HDAC9: variants seen among roughly 807,000 people sequenced by gnomAD.
The protein encoded by HDAC9 is histone deacetylase 9.
HDAC9 carries 41 observed loss-of-function variants against 139.4 expected under a neutral mutation model. That is an observed-to-expected ratio of 0.29 (90% CI 0.23 to 0.38). The LOEUF (loss-of-function observed/expected upper bound fraction) is 0.38, where lower values mean the gene tolerates loss of function less well. Ranked by LOEUF, HDAC9 falls within the 10% of genes least tolerant of loss-of-function variation. HDAC9 has a pLI of 1.00. For missense variants in HDAC9, 1,147 were observed against 1,297.0 expected (o/e 0.88, Z 1.78); for synonymous variants, 517 against 476.2 (o/e 1.09, Z -1.12).
intron 2 of HDAC9, among the ~76,000 whole-genome samples, chr7:18,213,539 A>C (rs1792096828): frequency 6.6e-6 from 1 of 152,098 alleles, no homozygotes; most frequent in Non-Finnish European, 1.5e-5. Flanking sequence ...TTTCTCTGTT[A>C]GTCTTATGTA....
intron 13 of HDAC9, among the ~76,000 whole-genome samples, chr7:18,733,158 C>T (rs1464418163): frequency 2.1e-5 from 3 of 144,350 alleles, no homozygotes; most frequent in Admixed American, 6.9e-5. Context: ...CATATATACA[C>T]GTGTATACAC....
chr7:18,410,462 C>T (rs1788439387), intron 1 of HDAC9, among the ~76,000 whole-genome samples: 1 of 152,054 alleles, frequency 6.6e-6, no homozygotes, highest in South Asian at 2.1e-4. Context: ...TTTGTTTCAA[C>T]AAAGAATGTT....
chr7:18,516,272 A>G (rs1259944227), intron 2 of HDAC9, among the ~76,000 whole-genome samples: 1 of 152,222 alleles, frequency 6.6e-6, no homozygotes, highest in African/African-American at 2.4e-5. Flanking sequence ...GAAATTTAAA[A>G]GACCTTTAAG....
chr7:18,659,384 G>A (rs1448979025), intron 11 of HDAC9, among the ~76,000 whole-genome samples: 1 of 152,130 alleles, frequency 6.6e-6, no homozygotes. Context: ...AACATGGAAT[G>A]TGAGATTCTG....
At chr7:18,619,822 C>G (rs908517654) in intron 6 of HDAC9, among the ~76,000 whole-genome samples, 18 of 152,202 alleles carry the variant, frequency 1.2e-4, no homozygotes, top group Non-Finnish European at 1.2e-4. Context: ...TGTGTGGGCT[C>G]TGTGCCCTTG....
intron 24 of HDAC9, among the ~76,000 whole-genome samples, chr7:18,972,232 T>C (rs988663194): frequency 2.6e-5 from 4 of 152,220 alleles, no homozygotes; most frequent in African/African-American, 9.6e-5. Context: ...AATAAAACTT[T>C]CATAGCATTA....
At chr7:18,923,379 C>A (rs1215881901) in intron 22 of HDAC9, among the ~76,000 whole-genome samples, 2 of 152,074 alleles carry the variant, frequency 1.3e-5, no homozygotes, top group African/African-American at 2.4e-5. Context: ...GTTGCCTAAT[C>A]TCATTATAGA....
At chr7:18,120,933 T>G (rs1441676406) in intron 1 of HDAC9, among the ~76,000 whole-genome samples, 1 of 152,190 alleles carries the variant, frequency 6.6e-6, no homozygotes, top group African/African-American at 2.4e-5. Flanking sequence ...ACTTCCACAC[T>G]GGCAGTAAGG....
intron 22 of HDAC9, among the ~76,000 whole-genome samples, chr7:18,875,745 T>A (rs570641234): frequency 6.6e-6 from 1 of 152,284 alleles, no homozygotes; most frequent in Admixed American, 6.5e-5. Context: ...ATGGCCTTTT[T>A]AAAAAATTGT....
At chr7:18,220,138 TCA>T (rs1271071767) in intron 2 of HDAC9, among the ~76,000 whole-genome samples, 1 of 151,348 alleles carries the variant, frequency 6.6e-6, no homozygotes, top group Middle Eastern at 3.2e-3. Flanking sequence ...GGGGAGATCT[TCA>T]CAAGACCATA....
At chr7:18,704,628 T>G (rs1283854173) in intron 12 of HDAC9, among the ~76,000 whole-genome samples, 1 of 152,158 alleles carries the variant, frequency 6.6e-6, no homozygotes, top group African/African-American at 2.4e-5. Flanking sequence ...AACATAAGAT[T>G]TGGAGCAAAG....
rs1047376745 is a variant in HDAC9, at chr7:18,550,262, ATTC to A, written c.23-35014_23-35012del. ...TTGCCCTACCAACCTGTTCTGCTCT[ATTC>A]TTCTATTTTTTACTGTACTATATTC... On this transcript the variant is annotated intron_variant, in intron 2 of 25. Coordinates refer to ENST00000686413, the MANE Select transcript of HDAC9 (RefSeq NM_178425.4). Among the ~76,000 whole-genome samples the A allele has an allele frequency of 4.9e-4, 75 of 152,252 alleles. 1 individual carries two copies. Among genetic ancestry groups the A allele is most frequent in the Admixed American group, 3.3e-4 (5 of 15,286 alleles).
intron 12 of HDAC9, among the ~76,000 whole-genome samples, chr7:18,716,659 C>T (rs1004449821): frequency 6.6e-6 from 1 of 152,158 alleles, no homozygotes; most frequent in South Asian, 2.1e-4. Flanking sequence ...TAGGTAGTAA[C>T]TTTTACCAAC....
At chr7:18,595,947 C>T (rs569234240) in intron 6 of HDAC9, among the ~76,000 whole-genome samples, 1 of 151,910 alleles carries the variant, frequency 6.6e-6, no homozygotes, top group Admixed American at 6.6e-5. Flanking sequence ...TTTTTTCAAT[C>T]CACAACACAA....
In HDAC9 at chr7:18,708,552, A is replaced by G. The variant is rs567456972; in HGVS notation, c.1732-19028A>G. 2.6e-5 allele frequency among the ~76,000 whole-genome samples: 4 copies of G among 152,322 alleles called. No homozygotes were observed. The South Asian group carries it at 6.2e-4, about 24-fold the overall frequency. ...CATGATTATTTTGAGTGCCTGAAGT[A>G]ATAAACAATAGAGTTTGTACTGGAA... On this transcript the variant is annotated intron_variant, in intron 12 of 25. Coordinates refer to ENST00000686413, the MANE Select transcript of HDAC9 (RefSeq NM_178425.4).
intron 22 of HDAC9, chr7:18,899,274 G>A (rs1801485223): frequency 6.6e-6 from 1 of 151,876 alleles, no homozygotes; most frequent in East Asian, 1.9e-4. Flanking sequence ...GCTCCTATGT[G>A]GTAACTAGTA....
intron 24 of HDAC9, among the ~76,000 whole-genome samples, chr7:18,956,318 G>A (rs895793026): frequency 3.6e-4 from 55 of 152,056 alleles, no homozygotes; most frequent in African/African-American, 1.3e-3. Flanking sequence ...TGGTTCAGCG[G>A]TATATTTATT....
At chr7:18,652,581 A>G (rs1359078325) in intron 11 of HDAC9, among the ~76,000 whole-genome samples, 2 of 152,132 alleles carry the variant, frequency 1.3e-5, no homozygotes, top group Non-Finnish European at 2.9e-5. Context: ...GTTGTGAGGT[A>G]ATTTGACATA....
intron 21 of HDAC9, among the ~76,000 whole-genome samples, chr7:18,845,803 A>C (rs1796864974): frequency 6.6e-6 from 1 of 152,186 alleles, no homozygotes; most frequent in Non-Finnish European, 1.5e-5. Context: ...GATTGGCTAG[A>C]AGAGCTAGGA....
Sources: gnomAD v4.1 joint callset for allele counts (sites outside exome capture counted in the v4.1 genomes callset) on GRCh38, gnomAD v4.1.1 for gene constraint, MANE v1.5 for transcripts, NCBI Gene and HGNC (gene_info 2026-07-23, HGNC 2026-07-21) for gene names.